KHDRBS2: variants seen among roughly 807,000 people sequenced by gnomAD.
The protein encoded by KHDRBS2 is KH domain-containing, RNA-binding, signal transduction-associated protein 2.
In KHDRBS2, 26 loss-of-function variants were observed where a neutral mutation model predicts 44.3. That is an observed-to-expected ratio of 0.59 (90% CI 0.43 to 0.81). The LOEUF is 0.81. Among genes scored for constraint, KHDRBS2 ranks in the 40% least tolerant of loss-of-function variants. The probability of loss-of-function intolerance (pLI) is 0.00; values close to 1 mark genes in which losing one functional copy is unlikely to be tolerated. For missense variants in KHDRBS2, 476 were observed against 433.1 expected (o/e 1.10, Z -0.88); for synonymous variants, 194 against 151.1 (o/e 1.28, Z -2.08).
intron 1 of KHDRBS2, among the ~76,000 whole-genome samples, chr6:62,233,891 G>A (rs185866078): frequency 4.6e-4 from 70 of 152,156 alleles, no homozygotes; most frequent in Non-Finnish European, 8.2e-4. Flanking sequence ...TACCATTGAT[G>A]GGGATTTAGG....
chr6:61,728,752 A>AT (rs1562046286), intron 7 of KHDRBS2, among the ~76,000 whole-genome samples: 1 of 152,178 alleles, frequency 6.6e-6, no homozygotes, highest in East Asian at 1.9e-4. Flanking sequence ...AAGATGATAC[A>AT]TTGATAAATA....
chr6:61,787,164 C>T (rs1302182848), intron 6 of KHDRBS2, among the ~76,000 whole-genome samples: 1 of 118,782 alleles, frequency 8.4e-6, no homozygotes, highest in Non-Finnish European at 1.7e-5. Context: ...TTTATTTTAC[C>T]AGGTCTCTTT....
At chr6:61,746,376 C>T (rs563785049) in intron 6 of KHDRBS2, among the ~76,000 whole-genome samples, 9 of 152,232 alleles carry the variant, frequency 5.9e-5, no homozygotes, top group African/African-American at 1.9e-4. Context: ...TCTCACTGTT[C>T]AACTCCCACT....
intron 5 of KHDRBS2, among the ~76,000 whole-genome samples, chr6:61,895,376 A>G (rs1259543815): frequency 6.6e-6 from 1 of 152,220 alleles, no homozygotes; most frequent in Non-Finnish European, 1.5e-5. Flanking sequence ...TAGTGATATC[A>G]TTCTGTTTAC....
Position 61,760,663 on chromosome 6 carries a change from G to A in KHDRBS2, c.811-27899C>T, listed in dbSNP as rs1026332238. On this transcript the variant is annotated intron_variant, in intron 6 of 8. Coordinates refer to ENST00000281156, the MANE Select transcript of KHDRBS2 (RefSeq NM_152688.4). ...AAAAAAGGAAAAAAAGAAAAAAAAA[G>A]AAAAGCCATTAGCAATGGAATAGAA... Among the ~76,000 whole-genome samples the A allele has an allele frequency of 1.1e-4, 16 of 151,852 alleles. 2 individuals carry two copies. Among genetic ancestry groups the A allele is most frequent in the Admixed American group, 8.5e-4 (13 of 15,228 alleles).
chr6:62,109,455 G>A (rs1470197276), intron 2 of KHDRBS2, among the ~76,000 whole-genome samples: 1 of 151,646 alleles, frequency 6.6e-6, no homozygotes, highest in Non-Finnish European at 1.5e-5. Context: ...AACATTGCCA[G>A]GGAAATCAGG....
At chr6:61,653,751 T>C in the KHDRBS2 span, among the ~76,000 whole-genome samples, 1 of 152,022 alleles carries the variant, frequency 6.6e-6, no homozygotes, top group South Asian at 2.1e-4. Context: ...CAAGGATAGT[T>C]ACTTGGCTTA....
At chr6:61,841,330 T>A (rs1793560021) in intron 6 of KHDRBS2, among the ~76,000 whole-genome samples, 1 of 152,152 alleles carries the variant, frequency 6.6e-6, no homozygotes, top group Non-Finnish European at 1.5e-5. Flanking sequence ...GCTTTCCATA[T>A]GGGAAATTTT....
At chr6:62,080,194 A>T (rs964447525) in intron 2 of KHDRBS2, among the ~76,000 whole-genome samples, 6 of 152,134 alleles carry the variant, frequency 3.9e-5, no homozygotes, top group African/African-American at 1.4e-4. Flanking sequence ...AAAGTAAGCT[A>T]AAAACATAAC....
chr6:61,590,959 G>A, the KHDRBS2 span, among the ~76,000 whole-genome samples: 4 of 152,162 alleles, frequency 2.6e-5, no homozygotes, highest in Non-Finnish European at 4.4e-5. Flanking sequence ...ACCAGAATGA[G>A]TACTTTATAA....
the KHDRBS2 span, among the ~76,000 whole-genome samples, chr6:61,621,604 A>G: frequency 6.6e-6 from 1 of 152,190 alleles, no homozygotes; most frequent in Non-Finnish European, 1.5e-5. Context: ...ATTGGATGGG[A>G]CATCTGGGTG....
chr6:61,728,281 C>A (rs1356784507), intron 7 of KHDRBS2, among the ~76,000 whole-genome samples: 1 of 151,558 alleles, frequency 6.6e-6, no homozygotes, highest in African/African-American at 2.4e-5. Flanking sequence ...ACACTGGGGC[C>A]TCTTGGAGGG....
chr6:61,793,700 A>G (rs1784937595), intron 6 of KHDRBS2, among the ~76,000 whole-genome samples: 1 of 152,116 alleles, frequency 6.6e-6, no homozygotes, highest in South Asian at 2.1e-4. Context: ...AATTTAAAAA[A>G]GTTAATTCAG....
At chr6:62,016,474 A>G (rs1781221576) in intron 3 of KHDRBS2, among the ~76,000 whole-genome samples, 1 of 150,988 alleles carries the variant, frequency 6.6e-6, no homozygotes, top group Non-Finnish European at 1.5e-5. Flanking sequence ...ACATATACAC[A>G]TATGTATATA....
At chr6:61,717,963 G>T (rs1472476816) in intron 7 of KHDRBS2, among the ~76,000 whole-genome samples, 3 of 151,958 alleles carry the variant, frequency 2.0e-5, no homozygotes, top group Non-Finnish European at 4.4e-5. Context: ...GGAGTTGGCA[G>T]ATATGGGTTC....
the KHDRBS2 span, among the ~76,000 whole-genome samples, chr6:61,583,957 TTAA>T: frequency 2.6e-5 from 4 of 151,626 alleles, no homozygotes; most frequent in Non-Finnish European, 4.4e-5. Flanking sequence ...GCATAACTGT[TTAA>T]TGTTTTGAAT....
intron 4 of KHDRBS2, among the ~76,000 whole-genome samples, chr6:61,933,094 T>C (rs1290241830): frequency 6.6e-6 from 1 of 151,870 alleles, no homozygotes; most frequent in Non-Finnish European, 1.5e-5. Context: ...GTACAGAAAG[T>C]ATGGGTGGGG....
chr6:61,717,534 A>T lies in KHDRBS2; in HGVS notation c.893+15148T>A, dbSNP rs115793457. On this transcript the variant is annotated intron_variant, in intron 7 of 8. Transcript: ENST00000281156. ...AATAACCTTCTGTAAATTCAATCTC[A>T]TCATAGACTATAGCATTGAGACATT... Among the ~76,000 whole-genome samples, 277 of 152,168 alleles carry T rather than the reference A, an allele frequency of 1.8e-3. 3 individuals carry two copies. Among genetic ancestry groups the T allele is most frequent in the African/African-American group, 6.4e-3 (268 of 41,560 alleles).
intron 2 of KHDRBS2, among the ~76,000 whole-genome samples, chr6:62,072,914 T>A (rs1178253438): frequency 6.6e-6 from 1 of 152,098 alleles, no homozygotes; most frequent in African/African-American, 2.4e-5. Flanking sequence ...TCAGAAGGAA[T>A]GGTACCAGCT....
Sources: allele counts gnomAD v4.1 joint callset (sites outside exome capture counted in the v4.1 genomes callset), GRCh38; gene constraint gnomAD v4.1.1; transcripts MANE v1.5; gene names NCBI Gene and HGNC (gene_info 2026-07-23, HGNC 2026-07-21).